C11orf52: variants seen among roughly 807,000 people sequenced by gnomAD.
C11orf52 encodes the protein chromosome 11 open reading frame 52.
C11orf52 carries 9 observed loss-of-function variants against 11.7 expected under a neutral mutation model. The observed-to-expected ratio is 0.77, with a 90% CI of 0.46 to 1.34. The LOEUF is 1.34. C11orf52 is among the 40% of genes most tolerant of loss of function. C11orf52 has a pLI of 0.00. For synonymous variants in C11orf52, 49 were observed against 57.4 expected (o/e 0.85, Z 0.66); for missense variants, 139 against 154.8 (o/e 0.90, Z 0.54).
At chr11:111,923,584 C>G (rs1965735635) in intron 1 of C11orf52, 1 of 152,204 alleles carries the variant, frequency 6.6e-6, no homozygotes, top group Non-Finnish European at 1.5e-5. Flanking sequence ...TGTTGTCTCT[C>G]TGGCATCAAA....
intron 2 of C11orf52, among the ~76,000 whole-genome samples, chr11:111,924,624 C>T (rs1213986083): frequency 3.3e-5 from 5 of 152,126 alleles, no homozygotes; most frequent in Admixed American, 1.3e-4. Context: ...TTACATTCTA[C>T]GTCAGGACCT....
At chr11:111,922,893 T>C (rs1223293149) in intron 1 of C11orf52, among the ~76,000 whole-genome samples, 1 of 152,240 alleles carries the variant, frequency 6.6e-6, no homozygotes, top group Admixed American at 6.5e-5. Flanking sequence ...TTTTTATTTC[T>C]ATTACCACTG....
chr11:111,919,063 C>T lies in C11orf52; in HGVS notation c.32+59C>T. ...ATCTCTGTTGGTGGATGTAGAGGCC[C>T]CGAAAATCAGAGGACCTGGAGATAG... On this transcript the variant is annotated intron_variant, in intron 1 of 3. Coordinates refer to ENST00000278601, the MANE Select transcript of C11orf52 (RefSeq NM_080659.3). 1.9e-6 allele frequency: 3 copies of T among 1,597,110 alleles called. No individual in the cohort carries two copies. In the South Asian group the frequency reaches 3.3e-5, roughly 18 times the overall value.
intron 1 of C11orf52, among the ~76,000 whole-genome samples, chr11:111,919,585 C>T (rs1555166359): frequency 6.6e-6 from 1 of 152,308 alleles, no homozygotes. Flanking sequence ...TCCCTTTCCC[C>T]TTCTTTCCCT....
At chr11:111,922,469 G>A (rs1384492434) in intron 1 of C11orf52, among the ~76,000 whole-genome samples, 1 of 152,024 alleles carries the variant, frequency 6.6e-6, no homozygotes, top group Non-Finnish European at 1.5e-5. Flanking sequence ...CTTCTGCAAC[G>A]AGCAGAAAAT....
rs1965815668 is a variant in C11orf52, at chr11:111,926,538, A to G, written c.*339A>G. ...AAGAGCAGGTAAAAAGTTAGCCCAT[A>G]AGCACGTGGGCTGATCTTGTTGGAC... is the stretch of plus-strand genomic sequence containing the variant. On this transcript the variant is annotated 3_prime_UTR_variant, in exon 4 of 4. Coordinates refer to ENST00000278601, the MANE Select transcript of C11orf52 (RefSeq NM_080659.3). The G allele has an allele frequency of 1.2e-5, 4 of 334,844 alleles. No individual in the cohort carries two copies. The highest frequency in any genetic ancestry group is 1.2e-4 in the South Asian group (3 of 25,968). The allele number at this position is 334,844 out of a possible 1,614,324, so 20.7% of individuals were successfully genotyped here.
Position 111,926,096 on chromosome 11 carries a change from G to A in C11orf52, c.269G>A (p.Arg90Gln), listed in dbSNP as rs782789841. 6.8e-6 allele frequency: 11 copies of A among 1,614,242 alleles called. No individual in the cohort carries two copies. The highest frequency in any genetic ancestry group is 1.3e-5 in the African/African-American group (1 of 75,056). The change falls in exon 4 of 4, where the codon CGG becomes CAG. Residue 90 changes from arginine (R) to glutamine (Q), a missense_variant. Physicochemically the swap from Arg to Gln is conservative, Grantham distance 43 (BLOSUM62 1). Transcript: ENST00000278601. ...DIQVCSRPHA[R>Q]EVKHVHLENA... ...CAAGTGTGCAGCCGTCCCCATGCCC[G>A]GGAAGTGAAACACGTGCATTTAGAA... is the stretch of plus-strand genomic sequence containing the variant.
At chr11:111,921,814 G>A (rs782683973) in intron 1 of C11orf52, among the ~76,000 whole-genome samples, 3 of 151,710 alleles carry the variant, frequency 2.0e-5, no homozygotes, top group Non-Finnish European at 4.4e-5. Context: ...AATCCCATGA[G>A]GTCTGAATTA....
chr11:111,924,432 TG>T, intron 2 of C11orf52, 69 bp downstream of exon 2: 1 of 1,335,038 alleles, frequency 7.5e-7, no homozygotes. Context: ...CTCCAATCTT[TG>T]GAAAGGGCAG....
intron 1 of C11orf52, 53 bp from the exon 2 acceptor site, chr11:111,924,273 G>A: frequency 6.4e-7 from 1 of 1,557,048 alleles, no homozygotes; most frequent in South Asian, 1.1e-5. Flanking sequence ...ATGATGGAGG[G>A]AAGGCAGAGG....
At position 111,926,388 on chromosome 11, in the gene C11orf52, G is replaced by A; in HGVS notation, c.*189G>A. 1.2e-6 allele frequency: 1 copy of A among 837,042 alleles called. No individual in the cohort carries two copies. 51.9% of individuals were successfully genotyped at this position (837,042 alleles called of 1,614,324 possible). ...TCTTACTTGCCACTGTTAGGTTGGA[G>A]TTAATAGTTGGTTTAGCTATGGGTG... On this transcript the variant is annotated 3_prime_UTR_variant, in exon 4 of 4. Transcript: ENST00000278601.
chr11:111,926,112 G>A lies in C11orf52; in HGVS notation c.285G>A (p.Val95=). 1 of 1,614,246 alleles carries A rather than the reference G, an allele frequency of 6.2e-7. No homozygotes were observed. Among genetic ancestry groups the A allele is most frequent in the Non-Finnish European group, 8.5e-7 (1 of 1,180,044 alleles). Residue 95 remains valine, a synonymous_variant, in exon 4 of 4, where the codon GTG becomes GTA. Transcript: ENST00000278601. The part of the protein sequence containing the change: ...SRPHAREVKH[V]HLENATEYAT... ...CCCATGCCCGGGAAGTGAAACACGT[G>A]CATTTAGAAAACGCTACAGAGTATG...
intron 1 of C11orf52, among the ~76,000 whole-genome samples, chr11:111,923,921 A>G (rs1555166718): frequency 2.7e-5 from 4 of 146,494 alleles, no homozygotes; most frequent in African/African-American, 7.4e-5. Flanking sequence ...AGACCCCAGG[A>G]AAAAAAAAAG....
At chr11:111,923,085 T>C (rs1965726192) in intron 1 of C11orf52, among the ~76,000 whole-genome samples, 1 of 152,238 alleles carries the variant, frequency 6.6e-6, no homozygotes, top group South Asian at 2.1e-4. Context: ...TAATATTTTC[T>C]GTATCCATTT....
chr11:111,919,533 G>A (rs1965655192), intron 1 of C11orf52, among the ~76,000 whole-genome samples: 1 of 152,150 alleles, frequency 6.6e-6, no homozygotes, highest in Non-Finnish European at 1.5e-5. Context: ...CCAGAGCAGG[G>A]CAGGAATATT....
intron 3 of C11orf52, 70 bp downstream of exon 3, chr11:111,925,784 A>G: frequency 6.3e-7 from 1 of 1,582,060 alleles, no homozygotes; most frequent in South Asian, 1.1e-5. Context: ...GCTCTTTTGC[A>G]CTGCAACAGA....
intron 1 of C11orf52, among the ~76,000 whole-genome samples, chr11:111,920,027 C>G (rs1331898007): frequency 6.6e-6 from 1 of 151,888 alleles, no homozygotes; most frequent in Non-Finnish European, 1.5e-5. Context: ...AACCCCATCT[C>G]TACTGAAAAT....
Position 111,918,969 on chromosome 11 carries a change from C to G in C11orf52, c.-4C>G, listed in dbSNP as rs1555166292. ...CAGCTGGGCTCCCTTGGAGACAGAGCGCCATGGGAAACCGGGTCTGCTGCG... is the reference window on the plus strand; with the variant it reads ...CAGCTGGGCTCCCTTGGAGACAGAGGGCCATGGGAAACCGGGTCTGCTGCG... On this transcript the variant is annotated 5_prime_UTR_variant, in exon 1 of 4. Transcript: ENST00000278601. 2 of 1,614,112 alleles carry G rather than the reference C, an allele frequency of 1.2e-6. No homozygotes were observed. Among genetic ancestry groups the G allele is most frequent in the East Asian group, 2.2e-5 (1 of 44,880 alleles).
In C11orf52 at chr11:111,926,411, GTGGATAGCTAAACT is replaced by G; in HGVS notation, c.*214_*227del. 1.4e-6 allele frequency: 1 copy of G among 690,932 alleles called. No homozygotes were observed. 42.8% of individuals were successfully genotyped at this position (690,932 alleles called of 1,614,324 possible). On this transcript the variant is annotated 3_prime_UTR_variant, in exon 4 of 4. Transcript: ENST00000278601. The stretch of plus-strand genomic sequence containing the variant: ...GAGTTAATAGTTGGTTTAGCTATGG[GTGGATAGCTAAACT>G]TAGCTATCCACATGAGGTTAGGTGG...
Sources: gnomAD v4.1 joint callset for allele counts (sites outside exome capture counted in the v4.1 genomes callset) on GRCh38, gnomAD v4.1.1 for gene constraint, MANE v1.5 for transcripts, NCBI Gene and HGNC (gene_info 2026-07-23, HGNC 2026-07-21) for gene names.